VASN: variants seen among roughly 807,000 people sequenced by gnomAD.
VASN encodes the protein protein slit-like 2.
A neutral mutation model predicts 4.8 loss-of-function variants in VASN; 5 were observed. The observed-to-expected ratio is 1.03, with a 90% confidence interval of 0.54 to 2.17. VASN has a LOEUF of 2.17. Among genes scored for constraint, VASN ranks in the 30% most tolerant of loss-of-function variants. VASN has a pLI of 0.01. For synonymous variants in VASN, 499 were observed against 460.8 expected (o/e 1.08, Z -1.06); for missense variants, 927 against 948.8 (o/e 0.98, Z 0.30).
intron 1 of VASN, among the ~76,000 whole-genome samples, chr16:4,375,842 A>T (rs1001526605): frequency 6.6e-6 from 1 of 152,140 alleles, no homozygotes; most frequent in African/African-American, 2.4e-5. Context: ...GGTTTTTTTT[A>T]GAAAGCTTCC....
rs941778178 is a variant in VASN, at chr16:4,379,630, C to T, written c.-9-1239C>T. ...GGGCTACCTGAGGTGACGGTAAACACTTAGTGTTCCTTCGTCCTTCCCACT... is the reference window on the plus strand; with the variant it reads ...GGGCTACCTGAGGTGACGGTAAACATTTAGTGTTCCTTCGTCCTTCCCACT... On this transcript the variant is annotated intron_variant, in intron 1 of 1. Coordinates refer to ENST00000304735, the MANE Select transcript of VASN (RefSeq NM_138440.3). Among the ~76,000 whole-genome samples the T allele has an allele frequency of 7.2e-5, 11 of 152,202 alleles. No individual in the cohort carries two copies. In the East Asian group the frequency reaches 1.2e-3, roughly 16 times the overall value.
In VASN at chr16:4,381,538, C is replaced by G. The variant is rs1391498294; in HGVS notation, c.661C>G (p.Leu221Val). 1 of 1,604,644 alleles carries G rather than the reference C, an allele frequency of 6.2e-7. No individual in the cohort carries two copies. Among genetic ancestry groups the G allele is most frequent in the Middle Eastern group, 1.7e-4 (1 of 6,044 alleles). Residue 221 changes from leucine (L) to valine (V), a missense_variant, in exon 2 of 2, where the codon CTG becomes GTG. Coordinates refer to ENST00000304735, the MANE Select transcript of VASN (RefSeq NM_138440.3). ...LFSRLRNLHD[L>V]DVSDNQLERV... Reference sequence around the variant, plus strand: ...CAGCCGCTTGCGCAACCTCCACGACCTGGATGTGTCCGACAACCAGCTGGA... The same window carrying G: ...CAGCCGCTTGCGCAACCTCCACGACGTGGATGTGTCCGACAACCAGCTGGA...
Position 4,381,967 on chromosome 16 carries a change from G to A in VASN, c.1090G>A (p.Val364Met), listed in dbSNP as rs370403139. 17 of 1,608,192 alleles carry A rather than the reference G, an allele frequency of 1.1e-5. No homozygotes were observed. The highest frequency in any genetic ancestry group is 6.7e-5 in the Admixed American group (4 of 59,712). The change falls in exon 2 of 2, where the codon GTG (valine) becomes ATG (methionine). Residue 364 changes from valine (V) to methionine (M), a missense_variant. By Grantham distance (21) the Val-to-Met change is conservative. Coordinates refer to ENST00000304735, the MANE Select transcript of VASN (RefSeq NM_138440.3). ...TTATVPTTRP[V>M]VREPTALSSS... is the part of the protein sequence containing the mutation. Reference sequence around the variant, plus strand: ...AGCCACAGTGCCCACCACGAGGCCCGTGGTGCGGGAGCCCACAGCCTTGTC... The same window carrying A: ...AGCCACAGTGCCCACCACGAGGCCCATGGTGCGGGAGCCCACAGCCTTGTC...
Position 4,382,945 on chromosome 16 carries a change from G to GA in VASN, c.*47dup. 6.9e-7 allele frequency: 1 copy of GA among 1,451,826 alleles called. No homozygotes were observed. The highest frequency in any genetic ancestry group is 9.1e-7 in the Non-Finnish European group (1 of 1,100,382). The allele number at this position is 1,451,826 out of a possible 1,614,324, so 89.9% of individuals were successfully genotyped here. ...CTGGGGCCGGGCTCTCAGCCAGTGA[G>GA]ATGGCCAGCCCCCTCCTGCTGCCAC... On this transcript the variant is annotated 3_prime_UTR_variant, in exon 2 of 2. Transcript: ENST00000304735.
chr16:4,382,397 G>A lies in VASN; in HGVS notation c.1520G>A (p.Arg507Gln), dbSNP rs768634816. The A allele has an allele frequency of 1.1e-5, 17 of 1,611,918 alleles. No homozygotes were observed. Among genetic ancestry groups the A allele is most frequent in the East Asian group, 8.9e-5 (4 of 44,870 alleles). Residue 507 changes from arginine to glutamine, a missense_variant, in exon 2 of 2, where the codon CGG becomes CAG. By Grantham distance (43) the Arg-to-Gln change is conservative. Transcript: ENST00000304735. ...TYRNLSGPDK[R>Q]LVTLRLPASL... ...CGCAACCTATCGGGCCCTGATAAGC[G>A]GCTGGTGACGCTGCGACTGCCTGCC...
chr16:4,378,500 C>T (rs535474776), intron 1 of VASN, among the ~76,000 whole-genome samples: 51 of 152,276 alleles, frequency 3.3e-4, no homozygotes, highest in African/African-American at 1.1e-3. Flanking sequence ...TCACTCACAG[C>T]CCACATCTGG....
chr16:4,375,804 T>C (rs1180440283), intron 1 of VASN, among the ~76,000 whole-genome samples: 1 of 152,190 alleles, frequency 6.6e-6, no homozygotes, highest in Admixed American at 6.5e-5. Flanking sequence ...CTTGTTTAAT[T>C]GGCCTGGGGG....
intron 1 of VASN, among the ~76,000 whole-genome samples, chr16:4,377,847 G>A (rs181484909): frequency 6.6e-6 from 1 of 152,336 alleles, no homozygotes; most frequent in African/African-American, 2.4e-5. Flanking sequence ...CTGGGAAGCA[G>A]GCTGGCTGCC....
rs371016547 is a variant in VASN at position 4,381,742 on chromosome 16, C to G, written c.865C>G (p.Arg289Gly). Reference sequence around the variant, plus strand: ...TGGCGACCTCTCGGGCCTCTTCCCCCGCCTGCGGCTGCTGGCAGCTGCCCG... The same window carrying G: ...TGGCGACCTCTCGGGCCTCTTCCCCGGCCTGCGGCTGCTGGCAGCTGCCCG... ...LPGDLSGLFPRLRLLAAARNP... is the reference protein window; with the variant it reads ...LPGDLSGLFPGLRLLAAARNP... The change falls in exon 2 of 2, where the codon CGC (arginine) becomes GGC (glycine). Residue 289 changes from arginine to glycine, a missense_variant. Transcript: ENST00000304735. 1.9e-6 allele frequency: 3 copies of G among 1,604,856 alleles called. No individual in the cohort carries two copies. Among genetic ancestry groups the G allele is most frequent in the South Asian group, 1.1e-5 (1 of 91,000 alleles).
chr16:4,382,850 T>C lies in VASN; in HGVS notation c.1973T>C (p.Phe658Ser). 6.3e-7 allele frequency: 1 copy of C among 1,585,412 alleles called. No homozygotes were observed. Among genetic ancestry groups the C allele is most frequent in the Admixed American group, 1.8e-5 (1 of 55,590 alleles). The part of the protein sequence containing the change: ...GSECEVPLMG[F>S]PGPGLQSPLH... ...GAGTGTGAGGTGCCACTCATGGGCT[T>C]CCCAGGGCCTGGCCTCCAGTCACCC... is the stretch of plus-strand genomic sequence containing the variant. Residue 658 changes from phenylalanine (F) to serine (S), a missense_variant, in exon 2 of 2, where the codon TTC (phenylalanine) becomes TCC (serine). Coordinates refer to ENST00000304735, the MANE Select transcript of VASN (RefSeq NM_138440.3).
Position 4,381,289 on chromosome 16 carries a change from C to T in VASN, c.412C>T (p.His138Tyr), listed in dbSNP as rs760212012. The T allele has an allele frequency of 1.2e-6, 2 of 1,612,422 alleles. No homozygotes were observed. The highest frequency in any genetic ancestry group is 8.5e-7 in the Non-Finnish European group (1 of 1,179,790). ...RLYLGKNRIR[H>Y]IQPGAFDTLD... Reference sequence around the variant, plus strand: ...CTACCTGGGCAAGAACCGCATCCGCCACATCCAGCCTGGTGCCTTCGACAC... The same window carrying T: ...CTACCTGGGCAAGAACCGCATCCGCTACATCCAGCCTGGTGCCTTCGACAC... The change falls in exon 2 of 2, where the codon CAC (histidine) becomes TAC (tyrosine). Residue 138 changes from histidine to tyrosine, a missense_variant. By Grantham distance (83) the His-to-Tyr change is moderately conservative. Transcript: ENST00000304735.
At position 4,382,303 on chromosome 16, in the gene VASN, C is replaced by G. The variant is rs767308784; in HGVS notation, c.1426C>G (p.Leu476Val). 9 of 1,610,394 alleles carry G rather than the reference C, an allele frequency of 5.6e-6. No homozygotes were observed. The highest frequency in any genetic ancestry group is 1.7e-5 in the Admixed American group (1 of 59,782). ...CATCGAGCCGGTGAGCCCCACCTCC[C>G]TGCGCGTGGGGCTGCAGCGCTACCT... ...LGIEPVSPTS[L>V]RVGLQRYLQG... The change falls in exon 2 of 2, where the codon CTG becomes GTG. Residue 476 changes from leucine to valine, a missense_variant. Leu to Val is a conservative substitution (Grantham distance 32). Coordinates refer to ENST00000304735, the MANE Select transcript of VASN (RefSeq NM_138440.3).
intron 1 of VASN, among the ~76,000 whole-genome samples, chr16:4,376,114 G>A (rs562951604): frequency 6.2e-4 from 94 of 152,292 alleles, no homozygotes; most frequent in African/African-American, 2.1e-3. Context: ...TCTACCTGCC[G>A]CAGTCCCTGA....
At chr16:4,372,520 C>T (rs929301030) in intron 1 of VASN, among the ~76,000 whole-genome samples, 5 of 152,178 alleles carry the variant, frequency 3.3e-5, no homozygotes, top group Non-Finnish European at 7.4e-5. Context: ...GATGCCCATC[C>T]CTCCAGGTGG....
chr16:4,381,605 G>C lies in VASN; in HGVS notation c.728G>C (p.Arg243Pro). Residue 243 changes from arginine to proline, a missense_variant, in exon 2 of 2, where the codon CGC (arginine) becomes CCC (proline). Physicochemically the swap from Arg to Pro is moderately radical, Grantham distance 103. Transcript: ENST00000304735. ...PVIRGLRGLT[R>P]LRLAGNTRIA... ...ATCCGAGGCCTCCGGGGCCTGACGC[G>C]CCTGCGGCTGGCCGGCAACACCCGC... 1 of 1,598,560 alleles carries C rather than the reference G, an allele frequency of 6.3e-7. No individual in the cohort carries two copies. Among genetic ancestry groups the C allele is most frequent in the African/African-American group, 1.3e-5 (1 of 74,706 alleles).
At chr16:4,377,225 G>A (rs528171082) in intron 1 of VASN, among the ~76,000 whole-genome samples, 6 of 152,034 alleles carry the variant, frequency 3.9e-5, no homozygotes, top group Non-Finnish European at 5.9e-5. Flanking sequence ...ACCCCCCGAC[G>A]TCCCCGAATC....
At chr16:4,373,146 G>C (rs1053726444) in intron 1 of VASN, among the ~76,000 whole-genome samples, 1 of 152,122 alleles carries the variant, frequency 6.6e-6, no homozygotes, top group African/African-American at 2.4e-5. Flanking sequence ...CAGGCGGGTG[G>C]GGGATGGGGA....
intron 1 of VASN, among the ~76,000 whole-genome samples, chr16:4,375,775 A>T (rs1416785824): frequency 6.6e-6 from 1 of 152,162 alleles, no homozygotes. Context: ...GGCGTGAGCC[A>T]CCATGCCCGG....
At chr16:4,374,440 C>T (rs774859870) in intron 1 of VASN, among the ~76,000 whole-genome samples, 20 of 152,048 alleles carry the variant, frequency 1.3e-4, no homozygotes, top group African/African-American at 4.3e-4. Context: ...CTTCAGGGTT[C>T]GGGACGGCCC....
Sources: gnomAD v4.1 joint callset for allele counts (sites outside exome capture counted in the v4.1 genomes callset) on GRCh38, gnomAD v4.1.1 for gene constraint, MANE v1.5 for transcripts, NCBI Gene and HGNC (gene_info 2026-07-23, HGNC 2026-07-21) for gene names.